Variants in DLG2 observed in about 807,000 individuals in gnomAD.
DLG2 encodes disks large homolog 2.
In DLG2, 45 loss-of-function variants were observed where a neutral mutation model predicts 132.5. The ratio of observed to expected loss-of-function variants is 0.34; its 90% confidence interval spans 0.27 to 0.44. The LOEUF (loss-of-function observed/expected upper bound fraction) is 0.44. Ranked by LOEUF, DLG2 falls within the 20% of genes least tolerant of loss-of-function variation. The pLI, the probability that DLG2 is intolerant of heterozygous loss-of-function variation, is 1.00. For synonymous variants in DLG2, 424 were observed against 419.6 expected (o/e 1.01, Z -0.13); for missense variants, 1,045 against 1,196.9 (o/e 0.87, Z 1.87).
At chr11:83,872,211 C>T (rs1427608577) in intron 16 of DLG2, among the ~76,000 whole-genome samples, 1 of 152,092 alleles carries the variant, frequency 6.6e-6, no homozygotes, top group East Asian at 1.9e-4. Context: ...TGCAGTGAGC[C>T]GAGATCACGC....
intron 11 of DLG2, among the ~76,000 whole-genome samples, chr11:84,058,988 C>T (rs1008380636): frequency 6.6e-6 from 1 of 151,814 alleles, no homozygotes; most frequent in Non-Finnish European, 1.5e-5. Context: ...AGAGGATTTA[C>T]CATTTGTATC....
chr11:84,380,761 T>C (rs2098746496), intron 7 of DLG2, among the ~76,000 whole-genome samples: 1 of 151,602 alleles, frequency 6.6e-6, no homozygotes, highest in African/African-American at 2.4e-5. Context: ...ATAGAGAAAA[T>C]CAGCAAGGCC....
chr11:84,758,585 T>C (rs1437986226), intron 6 of DLG2, among the ~76,000 whole-genome samples: 1 of 152,182 alleles, frequency 6.6e-6, no homozygotes, highest in East Asian at 1.9e-4. Context: ...CCCTATAGTT[T>C]TCTCCCCTAG....
At chr11:84,884,252 G>A (rs1274299559) in intron 6 of DLG2, among the ~76,000 whole-genome samples, 1 of 152,018 alleles carries the variant, frequency 6.6e-6, no homozygotes, top group African/African-American at 2.4e-5. Context: ...TCTCTGTTGA[G>A]CATTTTCTGT....
At chr11:85,261,273 ATGT>A (rs1460249821) in intron 4 of DLG2, among the ~76,000 whole-genome samples, 2 of 152,084 alleles carry the variant, frequency 1.3e-5, no homozygotes, top group Non-Finnish European at 2.9e-5. Flanking sequence ...TGGGAACAGA[ATGT>A]TGTGCTAGTT....
At chr11:83,633,406 AC>A in intron 18 of DLG2, 81 bp from the exon 19 acceptor site, 1 of 1,150,386 alleles carries the variant, frequency 8.7e-7, no homozygotes, top group Non-Finnish European at 1.3e-6. Context: ...GCAGCCCCTC[AC>A]CCACGTTGTT....
chr11:84,120,298 T>A (rs1310508711), intron 9 of DLG2, among the ~76,000 whole-genome samples: 1 of 151,856 alleles, frequency 6.6e-6, no homozygotes, highest in Non-Finnish European at 1.5e-5. Context: ...TAGACCCAAA[T>A]GGAAAAAAGG....
At chr11:83,650,209 A>G (rs766157106) in intron 18 of DLG2, among the ~76,000 whole-genome samples, 1 of 152,234 alleles carries the variant, frequency 6.6e-6, no homozygotes, top group Non-Finnish European at 1.5e-5. Flanking sequence ...GTTACTTGCT[A>G]TGCTGAAAGG....
chr11:84,270,873 G>C (rs1396373177), intron 7 of DLG2, among the ~76,000 whole-genome samples: 2 of 152,140 alleles, frequency 1.3e-5, no homozygotes, highest in Admixed American at 1.3e-4. Context: ...GCAATTATTT[G>C]AGCCGTATAT....
At chr11:84,754,609 A>G (rs2066613799) in intron 6 of DLG2, among the ~76,000 whole-genome samples, 1 of 152,210 alleles carries the variant, frequency 6.6e-6, no homozygotes, top group Non-Finnish European at 1.5e-5. Context: ...GATAGCAAAA[A>G]GATCAGTGGT....
At chr11:84,399,299 C>T (rs968180377) in intron 7 of DLG2, among the ~76,000 whole-genome samples, 4 of 152,150 alleles carry the variant, frequency 2.6e-5, no homozygotes, top group African/African-American at 9.7e-5. Context: ...TTTTTAATCT[C>T]ATAGCCCTTT....
At chr11:85,301,368 GA>G (rs1435116175) in intron 3 of DLG2, among the ~76,000 whole-genome samples, 1 of 152,112 alleles carries the variant, frequency 6.6e-6, no homozygotes, top group Non-Finnish European at 1.5e-5. Context: ...TTGTTGCCAG[GA>G]AGACTATATA....
chr11:85,531,444 T>G (rs2075204134), intron 3 of DLG2, among the ~76,000 whole-genome samples: 1 of 152,246 alleles, frequency 6.6e-6, no homozygotes. Flanking sequence ...ATATCTGCTT[T>G]GTGCCAGCAC....
intron 6 of DLG2, among the ~76,000 whole-genome samples, chr11:84,813,175 T>TACACAC (rs61332466): frequency 6.6e-6 from 1 of 150,970 alleles, no homozygotes; most frequent in African/African-American, 2.4e-5. Flanking sequence ...ATTAAATACA[T>TACACAC]ACACACACAC....
chr11:84,206,823 T>C (rs1241858112), intron 8 of DLG2, among the ~76,000 whole-genome samples: 1 of 151,130 alleles, frequency 6.6e-6, no homozygotes, highest in Non-Finnish European at 1.5e-5. Flanking sequence ...AATGACTTTG[T>C]TTGCAGATGA....
At chr11:84,235,324 C>A (rs980509498) in intron 8 of DLG2, among the ~76,000 whole-genome samples, 2 of 152,180 alleles carry the variant, frequency 1.3e-5, no homozygotes, top group African/African-American at 4.8e-5. Context: ...GGAGCTGTAT[C>A]GAGGGCCGTA....
intron 14 of DLG2, among the ~76,000 whole-genome samples, chr11:83,961,920 A>G (rs1282136619): frequency 6.6e-6 from 1 of 152,060 alleles, no homozygotes; most frequent in Non-Finnish European, 1.5e-5. Context: ...GGCTAAAGAT[A>G]TAAAGAGCTA....
chr11:84,103,734 A>T (rs186240249), intron 9 of DLG2, among the ~76,000 whole-genome samples: 6 of 152,310 alleles, frequency 3.9e-5, no homozygotes, highest in African/African-American at 1.2e-4. Flanking sequence ...GACATTTCAC[A>T]AATATAAATA....
intron 9 of DLG2, among the ~76,000 whole-genome samples, chr11:84,113,448 C>T (rs1397113380): frequency 6.6e-6 from 1 of 152,090 alleles, no homozygotes; most frequent in Non-Finnish European, 1.5e-5. Context: ...CAAAAACATT[C>T]CTGAAAACTA....
Sources: allele counts gnomAD v4.1 joint callset (sites outside exome capture counted in the v4.1 genomes callset), GRCh38; gene constraint gnomAD v4.1.1; transcripts MANE v1.5; gene names NCBI Gene and HGNC (gene_info 2026-07-23, HGNC 2026-07-21).